NUP160: variants seen among roughly 807,000 people sequenced by gnomAD.
NUP160 encodes the protein nucleoporin 160, also known as nuclear pore complex protein Nup160.
NUP160 carries 94 observed loss-of-function variants against 196.9 expected under a neutral mutation model. The ratio of observed to expected loss-of-function variants is 0.48; its 90% confidence interval spans 0.40 to 0.57. The LOEUF (loss-of-function observed/expected upper bound fraction) is 0.57. Ranked by LOEUF, NUP160 falls within the 20% of genes least tolerant of loss-of-function variation. The pLI is 0.00. For missense variants in NUP160, 1,638 were observed against 1,748.3 expected, an observed-to-expected ratio of 0.94 and a Z score of 1.13; for synonymous variants, 605 against 619.7, an observed-to-expected ratio of 0.98 and a Z score of 0.35.
In NUP160 at chr11:47,839,823, T is replaced by C. The variant is rs774231426; in HGVS notation, c.748+20A>G. 2.7e-5 allele frequency: 42 copies of C among 1,577,072 alleles called. No individual in the cohort carries two copies. The highest frequency in any genetic ancestry group is 8.3e-5 in the Admixed American group (5 of 59,946). ...CATTCCTTGTTTAAAGTTAAATCCA[T>C]GCTCAGTTCCCATTCTTACCAGGTA... On this transcript the variant is annotated intron_variant, in intron 4 of 35. Transcript: ENST00000378460.
chr11:47,847,284 C>T (rs1361761202), intron 2 of NUP160, among the ~76,000 whole-genome samples: 3 of 152,088 alleles, frequency 2.0e-5, no homozygotes, highest in African/African-American at 7.2e-5. Flanking sequence ...CTGTGAATTC[C>T]TTAAAGCCTT....
At chr11:47,824,124 T>C (rs1851921983) in intron 7 of NUP160, among the ~76,000 whole-genome samples, 1 of 149,752 alleles carries the variant, frequency 6.7e-6, no homozygotes, top group South Asian at 2.1e-4. Flanking sequence ...GGAACCACTA[T>C]ATTGTTTTTC....
intron 2 of NUP160, among the ~76,000 whole-genome samples, chr11:47,845,854 T>G (rs2135407514): frequency 6.6e-6 from 1 of 152,184 alleles, no homozygotes; most frequent in Non-Finnish European, 1.5e-5. Flanking sequence ...AAAATCAGGC[T>G]GGACACGGTG....
At chr11:47,788,802 C>T (rs2097666223) in intron 29 of NUP160, among the ~76,000 whole-genome samples, 191 bp from the exon 30 acceptor site, 3 of 151,542 alleles carry the variant, frequency 2.0e-5, no homozygotes, top group Admixed American at 6.6e-5. Flanking sequence ...CATGTCAAAT[C>T]AAAGTATTTT....
At chr11:47,785,159 C>A in intron 32 of NUP160, 96 bp from the exon 33 acceptor site, 1 of 534,274 alleles carries the variant, frequency 1.9e-6, no homozygotes. Flanking sequence ...ACTTTTTTTT[C>A]AGACAGGGTC....
At chr11:47,811,972 C>T in intron 17 of NUP160, 92 bp downstream of exon 17, 1 of 1,104,902 alleles carries the variant, frequency 9.1e-7, no homozygotes, top group Non-Finnish European at 1.3e-6. Flanking sequence ...ACAAAAGTAT[C>T]TGTGCTAGTA....
intron 7 of NUP160, among the ~76,000 whole-genome samples, chr11:47,823,255 G>C (rs1851899862): frequency 6.6e-6 from 1 of 152,146 alleles, no homozygotes; most frequent in African/African-American, 2.4e-5. Flanking sequence ...TTTTAGCAGT[G>C]TTAAGTATAT....
intron 22 of NUP160, 74 bp from the exon 23 acceptor site, chr11:47,802,004 T>G: frequency 6.7e-7 from 1 of 1,485,072 alleles, no homozygotes; most frequent in Non-Finnish European, 9.2e-7. Context: ...GGGGTTCACA[T>G]GTAAGGGAAA....
chr11:47,780,305 G>A (rs1241912058), intron 35 of NUP160, 38 bp downstream of exon 35: 16 of 1,328,766 alleles, frequency 1.2e-5, no homozygotes, highest in East Asian at 6.9e-5. Flanking sequence ...GCTAGTGCAG[G>A]GGCTTACACA....
At position 47,797,784 on chromosome 11, in the gene NUP160, C is replaced by T. The variant is rs150547235; in HGVS notation, c.3284G>A (p.Arg1095His). 46 of 1,607,442 alleles carry T rather than the reference C, an allele frequency of 2.9e-5. No homozygotes were observed. The highest frequency in any genetic ancestry group is 5.0e-5 in the Admixed American group (3 of 59,830). The change falls in exon 27 of 36, where the codon CGC becomes CAC. Residue 1095 changes from arginine (R) to histidine (H), a missense_variant. Arg to His is a conservative substitution (Grantham distance 29, BLOSUM62 0). Coordinates refer to ENST00000378460, the Ensembl canonical transcript of NUP160. Reference sequence around the variant, plus strand: ...TGTCTGGTTACATTGCTCACCCTTGCGGTAATTGTGGCGATAGATGTGAAA... The same window carrying T: ...TGTCTGGTTACATTGCTCACCCTTGTGGTAATTGTGGCGATAGATGTGAAA...
At chr11:47,835,799 C>T (rs1273066240) in exon 7 of NUP160, 1 of 1,583,260 alleles carries the variant, frequency 6.3e-7, no homozygotes, top group Non-Finnish European at 8.6e-7. Flanking sequence ...TACCATTAGG[C>T]ACATTTGCTC....
intron 7 of NUP160, among the ~76,000 whole-genome samples, chr11:47,825,730 G>A (rs1430921892): frequency 6.6e-6 from 1 of 152,100 alleles, no homozygotes; most frequent in Non-Finnish European, 1.5e-5. Context: ...TGGGATTACA[G>A]GCATGAGCCA....
chr11:47,843,608 G>T (rs10769299), intron 2 of NUP160, among the ~76,000 whole-genome samples: 53,044 of 152,032 alleles, frequency 0.35, 10,705 homozygotes, highest in South Asian at 0.52. Flanking sequence ...TAGAGATATT[G>T]TTGGTTATTG....
At chr11:47,835,664 G>A (rs1360848142) in exon 7 of NUP160, 1 of 1,582,788 alleles carries the variant, frequency 6.3e-7, no homozygotes, top group Non-Finnish European at 8.6e-7. Flanking sequence ...TCCTCGTTTT[G>A]GTGCATGCAT....
At chr11:47,847,901 G>A (rs1852431557) in exon 2 of NUP160, 11 of 1,614,044 alleles carry the variant, frequency 6.8e-6, no homozygotes, top group Non-Finnish European at 9.3e-6. Context: ...TCTCCACGTA[G>A]TAAAAGCCTC....
intron 27 of NUP160, among the ~76,000 whole-genome samples, chr11:47,797,075 G>T (rs1437837953): frequency 6.6e-6 from 1 of 152,178 alleles, no homozygotes; most frequent in East Asian, 1.9e-4. Flanking sequence ...AGCTAATGCG[G>T]AATATCATCT....
intron 26 of NUP160, 46 bp downstream of exon 26, chr11:47,797,932 C>T: frequency 6.4e-7 from 1 of 1,555,632 alleles, no homozygotes; most frequent in Admixed American, 1.7e-5. Context: ...GCAATCATGG[C>T]AACCACCATA....
intron 17 of NUP160, 53 bp from the exon 18 acceptor site, chr11:47,808,582 G>C: frequency 6.7e-7 from 1 of 1,501,664 alleles, no homozygotes; most frequent in Non-Finnish European, 9.2e-7. Context: ...ATTAGTAATG[G>C]TAACTCTTAC....
chr11:47,806,251 T>C (rs753125219), exon 20 of NUP160: 6 of 1,613,676 alleles, frequency 3.7e-6, no homozygotes, highest in Non-Finnish European at 5.1e-6. Context: ...AGAGGTGAGA[T>C]ATAATGTGTT....
Sources: allele counts gnomAD v4.1 joint callset (sites outside exome capture counted in the v4.1 genomes callset), GRCh38; gene constraint gnomAD v4.1.1; transcripts MANE v1.5; gene names NCBI Gene and HGNC (gene_info 2026-07-23, HGNC 2026-07-21).